EXT2: variants seen among roughly 807,000 people sequenced by gnomAD.
EXT2 encodes the protein exostosin-2.
A neutral mutation model predicts 81.6 loss-of-function variants in EXT2; 53 were observed. The ratio of observed to expected loss-of-function variants is 0.65; its 90% CI spans 0.52 to 0.82. The LOEUF is 0.82. Ranked by LOEUF, EXT2 falls within the 40% of genes least tolerant of loss-of-function variation. EXT2 has a pLI of 0.00. For missense variants in EXT2, 774 were observed against 910.2 expected (o/e 0.85, Z 1.93); for synonymous variants, 320 against 340.0 (o/e 0.94, Z 0.65).
intron 7 of EXT2, among the ~76,000 whole-genome samples, chr11:44,164,520 A>C (rs1954967312): frequency 6.6e-6 from 1 of 152,258 alleles, no homozygotes; most frequent in Non-Finnish European, 1.5e-5. Context: ...TGCATTACTG[A>C]AAATTAAGAA....
intron 10 of EXT2, among the ~76,000 whole-genome samples, chr11:44,215,701 A>G (rs1256765785): frequency 1.3e-5 from 2 of 152,150 alleles, no homozygotes; most frequent in Middle Eastern, 3.4e-3. Flanking sequence ...AGCCTTTGTC[A>G]TTTCTGTAAT....
At chr11:44,119,169 T>TATATATATATATAC (rs1192115471) in intron 4 of EXT2, among the ~76,000 whole-genome samples, 891 of 62,978 alleles carry the variant, frequency 0.014, 76 homozygotes, top group Non-Finnish European at 0.022. Context: ...TATATATATA[T>TATATATATATATAC]ACACATACAC....
chr11:44,107,674 G>T lies in EXT2; in HGVS notation c.-30-9G>T, dbSNP rs780406588. ...CTTGGTTTTTCTTATTTCTCTCCCT[G>T]GTGACCAGGAGTGTGAGGAAGAGGC... On this transcript the variant is annotated splice_polypyrimidine_tract_variant and intron_variant, in intron 1 of 13. Coordinates refer to ENST00000533608, the MANE Select transcript of EXT2 (RefSeq NM_207122.2). 1 of 1,600,236 alleles carries T rather than the reference G, an allele frequency of 6.2e-7. No individual in the cohort carries two copies. Among genetic ancestry groups the T allele is most frequent in the South Asian group, 1.1e-5 (1 of 89,902 alleles).
intron 10 of EXT2, among the ~76,000 whole-genome samples, chr11:44,215,729 T>C (rs933037577): frequency 6.6e-6 from 1 of 152,226 alleles, no homozygotes; most frequent in Non-Finnish European, 1.5e-5. Context: ...TTCATTATCC[T>C]ACTTAAAATT....
chr11:44,216,463 A>T (rs1955720782), intron 10 of EXT2, among the ~76,000 whole-genome samples: 1 of 152,224 alleles, frequency 6.6e-6, no homozygotes, highest in Non-Finnish European at 1.5e-5. Context: ...GATAGCCAAC[A>T]GCATGTTGAA....
intron 8 of EXT2, among the ~76,000 whole-genome samples, chr11:44,190,180 C>A (rs1955372925): frequency 6.6e-6 from 1 of 152,206 alleles, no homozygotes; most frequent in Non-Finnish European, 1.5e-5. Flanking sequence ...GGGTTAACTC[C>A]TTTTGGTTTT....
intron 7 of EXT2, among the ~76,000 whole-genome samples, chr11:44,132,653 C>T (rs1954509920): frequency 6.6e-6 from 1 of 152,132 alleles, no homozygotes; most frequent in Admixed American, 6.5e-5. Context: ...ATCTCTTCTC[C>T]CCTTGAACAG....
intron 7 of EXT2, among the ~76,000 whole-genome samples, chr11:44,134,289 G>A (rs1954534991): frequency 1.3e-5 from 2 of 152,046 alleles, no homozygotes; most frequent in South Asian, 2.1e-4. Context: ...TTTGGTGGGG[G>A]GAGAGATTAT....
intron 6 of EXT2, among the ~76,000 whole-genome samples, chr11:44,128,618 C>T (rs1220550437): frequency 6.6e-6 from 1 of 152,122 alleles, no homozygotes; most frequent in African/African-American, 2.4e-5. Context: ...CCATCATTGG[C>T]AGTGGGATTG....
At chr11:44,182,929 T>A (rs1955256832) in intron 8 of EXT2, among the ~76,000 whole-genome samples, 1 of 152,214 alleles carries the variant, frequency 6.6e-6, no homozygotes, top group South Asian at 2.1e-4. Context: ...TTTCTCAGTC[T>A]TTCTTTTTCT....
At chr11:44,200,318 A>G (rs1353471583) in intron 9 of EXT2, among the ~76,000 whole-genome samples, 1 of 136,670 alleles carries the variant, frequency 7.3e-6, no homozygotes, top group African/African-American at 2.8e-5. Flanking sequence ...TTTTTTTTTC[A>G]TTCTCCAACC....
chr11:44,233,821 T>A (rs1375196463), intron 11 of EXT2, among the ~76,000 whole-genome samples: 1 of 152,240 alleles, frequency 6.6e-6, no homozygotes, highest in Admixed American at 6.5e-5. Context: ...TGCTTTATTT[T>A]TTTTGACCCA....
chr11:44,232,243 G>A, intron 10 of EXT2, 110 bp from the exon 11 acceptor site: 1 of 1,427,102 alleles, frequency 7.0e-7, no homozygotes, highest in Non-Finnish European at 9.8e-7. Context: ...ACCTTCTTAG[G>A]TTATGATGGT....
chr11:44,122,685 G>A (rs1001182051), intron 4 of EXT2, among the ~76,000 whole-genome samples: 1 of 152,176 alleles, frequency 6.6e-6, no homozygotes, highest in African/African-American at 2.4e-5. Flanking sequence ...TCCCTGCTGG[G>A]TTGCTGTTGT....
chr11:44,109,996 A>C (rs1954120223), intron 3 of EXT2, among the ~76,000 whole-genome samples: 1 of 152,166 alleles, frequency 6.6e-6, no homozygotes, highest in African/African-American at 2.4e-5. Context: ...CAAGGCTTTG[A>C]GGAAAGTAGA....
intron 8 of EXT2, among the ~76,000 whole-genome samples, chr11:44,181,100 CAA>C (rs36013510): frequency 4.0e-4 from 56 of 138,756 alleles, no homozygotes; most frequent in African/African-American, 1.2e-3. Context: ...GACTCCGTCT[CAA>C]AAAAAAAAAA....
chr11:44,170,359 T>C (rs2135124822), intron 7 of EXT2, among the ~76,000 whole-genome samples: 1 of 152,284 alleles, frequency 6.6e-6, no homozygotes, highest in East Asian at 1.9e-4. Flanking sequence ...TAAATGCCTA[T>C]ATTAAAAATA....
At chr11:44,190,778 G>T (rs1590634206) in intron 8 of EXT2, among the ~76,000 whole-genome samples, 2 of 152,218 alleles carry the variant, frequency 1.3e-5, no homozygotes, top group Admixed American at 1.3e-4. Context: ...AGAATGGCTA[G>T]CAAAGGCCAC....
At chr11:44,165,575 G>C (rs1273991482) in intron 7 of EXT2, among the ~76,000 whole-genome samples, 2 of 152,188 alleles carry the variant, frequency 1.3e-5, no homozygotes, top group African/African-American at 4.8e-5. Flanking sequence ...CCTTTGGCTG[G>C]TGTCCTGGGT....
Sources: gnomAD v4.1 joint callset for allele counts (sites outside exome capture counted in the v4.1 genomes callset) on GRCh38, gnomAD v4.1.1 for gene constraint, MANE v1.5 for transcripts, NCBI Gene and HGNC (gene_info 2026-07-23, HGNC 2026-07-21) for gene names.